Variants in CUL1 observed in about 807,000 individuals in gnomAD.
The protein encoded by CUL1 is cullin 1.
A neutral mutation model predicts 118.0 loss-of-function variants in CUL1; 24 were observed. The observed-to-expected ratio is 0.20, with a 90% CI of 0.15 to 0.29. The LOEUF is 0.29. Among genes scored for constraint, CUL1 ranks in the 10% least tolerant of loss-of-function variants. The probability of loss-of-function intolerance (pLI) is 1.00; values close to 1 mark genes in which losing one functional copy is unlikely to be tolerated. For missense variants in CUL1, 361 were observed against 933.8 expected, an observed-to-expected ratio of 0.39 and a Z score of 7.99; for synonymous variants, 332 against 340.4, an observed-to-expected ratio of 0.98 and a Z score of 0.27.
At chr7:148,783,732 A>G in intron 9 of CUL1, 51 bp from the exon 10 acceptor site, 1 of 1,599,838 alleles carries the variant, frequency 6.3e-7, no homozygotes, top group South Asian at 1.1e-5. Context: ...CTTAATACAC[A>G]ATTTAATCCC....
chr7:148,769,441 A>G (rs1017852784), intron 9 of CUL1, among the ~76,000 whole-genome samples: 31 of 150,464 alleles, frequency 2.1e-4, no homozygotes, highest in African/African-American at 7.4e-4. Flanking sequence ...ACACACACAC[A>G]CACACACAAA....
At chr7:148,781,150 C>T (rs1018735215) in intron 9 of CUL1, among the ~76,000 whole-genome samples, 6 of 140,442 alleles carry the variant, frequency 4.3e-5, no homozygotes, top group Admixed American at 3.1e-4. Context: ...GGCGCGATCT[C>T]GGCTCACTGC....
intron 2 of CUL1, among the ~76,000 whole-genome samples, chr7:148,737,572 T>TTATA (rs1563154779): frequency 6.3e-4 from 81 of 129,502 alleles, no homozygotes; most frequent in African/African-American, 2.9e-3. Context: ...ATATATATAT[T>TTATA]TTTATATTTA....
chr7:148,760,501 GC>G lies in CUL1; in HGVS notation c.789+6del. Reference sequence around the variant, plus strand: ...GTTACTGAATATATGAAAAAGGTAAGCTTAAATATAGTACTTTAAGTAGACT... The same window carrying G: ...GTTACTGAATATATGAAAAAGGTAAGTTAAATATAGTACTTTAAGTAGACT... On this transcript the variant is annotated splice_donor_region_variant and intron_variant, in intron 7 of 21. Transcript: ENST00000325222. 2 of 1,601,190 alleles carry G rather than the reference GC, an allele frequency of 1.2e-6. No homozygotes were observed. Among genetic ancestry groups the G allele is most frequent in the Non-Finnish European group, 1.7e-6 (2 of 1,173,270 alleles).
At chr7:148,718,766 G>A (rs528505374) in intron 1 of CUL1, among the ~76,000 whole-genome samples, 40 of 152,280 alleles carry the variant, frequency 2.6e-4, no homozygotes, top group Non-Finnish European at 5.0e-4. Context: ...AATGGGGCAT[G>A]TGACAGATTT....
intron 2 of CUL1, among the ~76,000 whole-genome samples, chr7:148,743,963 T>C (rs1799227090): frequency 6.6e-6 from 1 of 152,226 alleles, no homozygotes; most frequent in Non-Finnish European, 1.5e-5. Context: ...ACTCTGTTGT[T>C]AGACAAAAAT....
At chr7:148,773,773 A>G (rs558823624) in intron 9 of CUL1, among the ~76,000 whole-genome samples, 3 of 152,054 alleles carry the variant, frequency 2.0e-5, no homozygotes, top group East Asian at 1.9e-4. Context: ...TGAAATACCT[A>G]TTTATCTCTC....
intron 1 of CUL1, among the ~76,000 whole-genome samples, chr7:148,700,132 T>TA (rs1380868128): frequency 3.9e-5 from 6 of 152,208 alleles, no homozygotes; most frequent in African/African-American, 9.6e-5. Context: ...GGGTTAGTGG[T>TA]AAGTGCGCAA....
chr7:148,768,151 A>T (rs1377774682), intron 9 of CUL1, among the ~76,000 whole-genome samples: 1 of 151,958 alleles, frequency 6.6e-6, no homozygotes, highest in Non-Finnish European at 1.5e-5. Flanking sequence ...ACAGGGCTGT[A>T]CTCTGGAGAG....
chr7:148,701,027 T>C (rs1797704429), intron 1 of CUL1, among the ~76,000 whole-genome samples: 1 of 152,220 alleles, frequency 6.6e-6, no homozygotes, highest in South Asian at 2.1e-4. Context: ...ATTAACTACA[T>C]GACAGCCTTA....
intron 1 of CUL1, among the ~76,000 whole-genome samples, chr7:148,711,898 C>A (rs577681060): frequency 6.6e-6 from 1 of 152,276 alleles, no homozygotes; most frequent in South Asian, 2.1e-4. Flanking sequence ...GAGTTAATAG[C>A]GTTTGTGGTT....
At chr7:148,796,797 G>A (rs1801213410) in intron 17 of CUL1, among the ~76,000 whole-genome samples, 1 of 152,158 alleles carries the variant, frequency 6.6e-6, no homozygotes, top group Non-Finnish European at 1.5e-5. Flanking sequence ...ATCAGACCTG[G>A]CTCAGGAAGT....
chr7:148,735,977 A>T (rs556767195), intron 2 of CUL1, among the ~76,000 whole-genome samples: 2 of 151,254 alleles, frequency 1.3e-5, no homozygotes, highest in Admixed American at 1.3e-4. Context: ...GTTTGAGACC[A>T]GTCTGGGCAA....
intron 9 of CUL1, among the ~76,000 whole-genome samples, chr7:148,775,667 A>G (rs2129461705): frequency 6.6e-6 from 1 of 152,376 alleles, no homozygotes; most frequent in South Asian, 2.1e-4. Flanking sequence ...ACATTGATTC[A>G]TATAGCACGT....
intron 21 of CUL1, among the ~76,000 whole-genome samples, chr7:148,799,648 G>A (rs912968797): frequency 2.6e-5 from 4 of 152,108 alleles, no homozygotes; most frequent in African/African-American, 7.2e-5. Context: ...AAACATGCCC[G>A]GCATCCCGGA....
At chr7:148,799,559 A>G (rs186391850) in intron 21 of CUL1, among the ~76,000 whole-genome samples, 171 bp downstream of exon 21, 1 of 152,230 alleles carries the variant, frequency 6.6e-6, no homozygotes, top group Non-Finnish European at 1.5e-5. Context: ...CACACATACA[A>G]AGTGCACAGA....
chr7:148,733,662 C>G (rs1467681898), intron 2 of CUL1, among the ~76,000 whole-genome samples: 3 of 139,486 alleles, frequency 2.2e-5, no homozygotes, highest in African/African-American at 1.0e-4. Context: ...GAAGAAGGAG[C>G]TGGCAGTGCC....
At chr7:148,773,547 C>T (rs1800292435) in intron 9 of CUL1, among the ~76,000 whole-genome samples, 1 of 152,270 alleles carries the variant, frequency 6.6e-6, no homozygotes, top group East Asian at 1.9e-4. Context: ...GTTTTATGCT[C>T]TGTGGTTTCG....
At chr7:148,777,980 T>G (rs1385736447) in intron 9 of CUL1, among the ~76,000 whole-genome samples, 1 of 147,892 alleles carries the variant, frequency 6.8e-6, no homozygotes, top group African/African-American at 2.5e-5. Flanking sequence ...GAAGAGTCAC[T>G]TGAACCAGGG....
Sources: gnomAD v4.1 joint callset for allele counts (sites outside exome capture counted in the v4.1 genomes callset) on GRCh38, gnomAD v4.1.1 for gene constraint, MANE v1.5 for transcripts, NCBI Gene and HGNC (gene_info 2026-07-23, HGNC 2026-07-21) for gene names.